Variants in DDR2 observed in about 807,000 individuals in gnomAD.
DDR2 encodes the protein discoidin domain receptor tyrosine kinase 2.
DDR2 carries 27 observed loss-of-function variants against 94.9 expected under a neutral mutation model. That is an observed-to-expected ratio of 0.28 (90% CI 0.21 to 0.39). The LOEUF is 0.39. DDR2 is among the 10% of genes least tolerant of loss of function. DDR2 has a pLI of 1.00. For missense variants in DDR2, 783 were observed against 1,076.0 expected (o/e 0.73, Z 3.81); for synonymous variants, 382 against 377.2 (o/e 1.01, Z -0.15).
chr1:162,782,750 T>TA lies in DDR2; in HGVS notation c.*2512dup, dbSNP rs551618605. The TA allele has an allele frequency of 2.2e-4, 33 of 152,282 alleles. 1 individual carries two copies. Among genetic ancestry groups the TA allele is most frequent in the African/African-American group, 7.9e-4 (33 of 41,548 alleles). 9.4% of individuals were successfully genotyped at this position (152,282 alleles called of 1,614,324 possible). On this transcript the variant is annotated 3_prime_UTR_variant, in exon 18 of 18. Coordinates refer to ENST00000367921, the MANE Select transcript of DDR2 (RefSeq NM_006182.4). ...TTATTCTATGATTCCATATTTTTTT[T>TA]AAAAAAAATCATATTTAAAATGAAC...
chr1:162,658,319 A>G (rs1658110443), intron 2 of DDR2, among the ~76,000 whole-genome samples: 4 of 152,188 alleles, frequency 2.6e-5, no homozygotes. Flanking sequence ...ACACCTGGAA[A>G]TGTCTGCTTG....
chr1:162,652,309 TG>T (rs1407009261), intron 1 of DDR2, among the ~76,000 whole-genome samples: 1 of 152,208 alleles, frequency 6.6e-6, no homozygotes, highest in African/African-American at 2.4e-5. Flanking sequence ...CATGTAATTT[TG>T]GGGGCAGATT....
At chr1:162,779,441 G>A (rs1342475381) in intron 17 of DDR2, among the ~76,000 whole-genome samples, 1 of 152,190 alleles carries the variant, frequency 6.6e-6, no homozygotes, top group African/African-American at 2.4e-5. Context: ...TCTTTACCAG[G>A]AAAAGGATAA....
chr1:162,771,755 C>A (rs1017217528), intron 12 of DDR2, among the ~76,000 whole-genome samples: 1 of 152,290 alleles, frequency 6.6e-6, no homozygotes, highest in Admixed American at 6.5e-5. Context: ...CTTCCTATAG[C>A]TTCACCACAC....
At chr1:162,661,344 A>T (rs574422469) in intron 2 of DDR2, among the ~76,000 whole-genome samples, 37 of 152,352 alleles carry the variant, frequency 2.4e-4, no homozygotes, top group Non-Finnish European at 3.8e-4. Context: ...CCAAGGAAAT[A>T]AAAAGACTTG....
chr1:162,756,570 G>T (rs1663474759), intron 7 of DDR2, among the ~76,000 whole-genome samples: 1 of 152,222 alleles, frequency 6.6e-6, no homozygotes, highest in Non-Finnish European at 1.5e-5. Flanking sequence ...GCCTGGGAGA[G>T]AATTCAGTCC....
chr1:162,647,952 C>G (rs1294931650), intron 1 of DDR2, among the ~76,000 whole-genome samples: 2 of 152,150 alleles, frequency 1.3e-5, no homozygotes, highest in African/African-American at 2.4e-5. Flanking sequence ...GAATGCCACC[C>G]AGCAGGTCTC....
At chr1:162,725,279 C>T (rs1661604524) in intron 3 of DDR2, among the ~76,000 whole-genome samples, 2 of 152,166 alleles carry the variant, frequency 1.3e-5, no homozygotes, top group Admixed American at 1.3e-4. Context: ...AACCGGCATT[C>T]GACTCTGCTC....
Position 162,784,887 on chromosome 1 carries a change from A to C in DDR2, c.*4641A>C, listed in dbSNP as rs1179958070. ...TAACTAAACTACAGACCTTTTTTCA[A>C]TTTCGCCAGTTTTTCCACACATATT... On this transcript the variant is annotated 3_prime_UTR_variant, in exon 18 of 18. Transcript: ENST00000367921. The C allele has an allele frequency of 1.3e-5, 2 of 152,080 alleles. No homozygotes were observed. Among genetic ancestry groups the C allele is most frequent in the Non-Finnish European group, 2.9e-5 (2 of 67,996 alleles). The allele number at this position is 152,080 out of a possible 1,614,324, so 9.4% of individuals were successfully genotyped here.
intron 3 of DDR2, among the ~76,000 whole-genome samples, chr1:162,748,526 A>G (rs1262624859): frequency 6.7e-6 from 1 of 149,464 alleles, no homozygotes; most frequent in Non-Finnish European, 1.5e-5. Context: ...CTAGAAACAA[A>G]GAGACTTAGA....
chr1:162,734,855 G>A (rs1361241942), intron 3 of DDR2, among the ~76,000 whole-genome samples: 1 of 152,192 alleles, frequency 6.6e-6, no homozygotes, highest in Non-Finnish European at 1.5e-5. Flanking sequence ...ATGAAAACCT[G>A]TTAGAAGGTT....
intron 2 of DDR2, among the ~76,000 whole-genome samples, chr1:162,659,692 C>G (rs2101917430): frequency 6.6e-6 from 1 of 152,196 alleles, no homozygotes; most frequent in South Asian, 2.1e-4. Context: ...TTCTGATGTC[C>G]CTCTCGCTGA....
At chr1:162,777,271 A>G (rs1206799644) in intron 16 of DDR2, among the ~76,000 whole-genome samples, 1 of 152,058 alleles carries the variant, frequency 6.6e-6, no homozygotes, top group African/African-American at 2.4e-5. Flanking sequence ...ATGCATTTAT[A>G]TACATATGTA....
At chr1:162,746,659 C>T (rs538868455) in intron 3 of DDR2, among the ~76,000 whole-genome samples, 2 of 152,346 alleles carry the variant, frequency 1.3e-5, no homozygotes, top group South Asian at 4.1e-4. Context: ...TGAGAATGGA[C>T]AGCCTGCCTC....
chr1:162,652,409 C>T (rs933953605), intron 1 of DDR2, among the ~76,000 whole-genome samples: 2 of 152,184 alleles, frequency 1.3e-5, no homozygotes, highest in Non-Finnish European at 2.9e-5. Context: ...TCGTGCTTCT[C>T]ATCTTGAATC....
At chr1:162,729,300 ATT>A (rs869269032) in intron 3 of DDR2, among the ~76,000 whole-genome samples, 8,576 of 93,292 alleles carry the variant, frequency 0.092, 284 homozygotes, top group South Asian at 0.12. Context: ...ATATATATAT[ATT>A]TTTTTTTTTT....
intron 2 of DDR2, among the ~76,000 whole-genome samples, chr1:162,717,304 G>A (rs2102026694): frequency 6.6e-6 from 1 of 152,252 alleles, no homozygotes; most frequent in South Asian, 2.1e-4. Context: ...CCAAAGTTCT[G>A]GGATTACAGG....
chr1:162,656,201 C>T (rs1193129170), intron 2 of DDR2, among the ~76,000 whole-genome samples: 2 of 152,140 alleles, frequency 1.3e-5, no homozygotes, highest in Non-Finnish European at 2.9e-5. Flanking sequence ...CATGCCTGTG[C>T]CTCTAGCATC....
chr1:162,764,406 AAAAAAG>A (rs1441285031), intron 9 of DDR2, among the ~76,000 whole-genome samples: 6 of 151,580 alleles, frequency 4.0e-5, no homozygotes, highest in African/African-American at 1.5e-4. Context: ...AAAAAAAAAA[AAAAAAG>A]AAATGTCCAA....
Sources: allele counts gnomAD v4.1 joint callset (sites outside exome capture counted in the v4.1 genomes callset), GRCh38; gene constraint gnomAD v4.1.1; transcripts MANE v1.5; gene names NCBI Gene and HGNC (gene_info 2026-07-23, HGNC 2026-07-21).